The following FAM135B variants were observed in gnomAD, a reference collection of about 807,000 sequenced individuals.
The protein encoded by FAM135B is family with sequence similarity 135 member B.
A neutral mutation model predicts 127.7 loss-of-function variants in FAM135B; 43 were observed. The ratio of observed to expected loss-of-function variants is 0.34; its 90% CI spans 0.26 to 0.43. FAM135B has a LOEUF of 0.43. FAM135B is among the 20% of genes least tolerant of loss of function. The pLI, the probability that FAM135B is intolerant of heterozygous loss-of-function variation, is 1.00. For missense variants in FAM135B, 1,558 were observed against 1,725.6 expected (o/e 0.90, Z 1.72); for synonymous variants, 670 against 665.1 (o/e 1.01, Z -0.11).
chr8:138,195,445 A>G (rs1161786303), intron 8 of FAM135B, 138 bp from the exon 9 acceptor site: 1 of 757,944 alleles, frequency 1.3e-6, no homozygotes, highest in Non-Finnish European at 2.2e-6. Flanking sequence ...CCTTCTACCT[A>G]TTCTAACTTC....
chr8:138,295,129 TTG>T (rs2130813159), intron 3 of FAM135B, among the ~76,000 whole-genome samples: 1 of 58,070 alleles, frequency 1.7e-5, no homozygotes, highest in Admixed American at 1.6e-4. Flanking sequence ...TTTTTTTTTT[TTG>T]GGTAGGAATC....
At chr8:138,271,367 T>C (rs1823361213) in intron 3 of FAM135B, among the ~76,000 whole-genome samples, 1 of 152,222 alleles carries the variant, frequency 6.6e-6, no homozygotes, top group South Asian at 2.1e-4. Context: ...TTCATGCACA[T>C]GGACATAAGT....
At chr8:138,284,110 A>G (rs1417159257) in intron 3 of FAM135B, among the ~76,000 whole-genome samples, 1 of 152,224 alleles carries the variant, frequency 6.6e-6, no homozygotes, top group Non-Finnish European at 1.5e-5. Context: ...AAAACTTTTT[A>G]TCACTACTAG....
chr8:138,449,494 C>T (rs981212715), intron 1 of FAM135B, among the ~76,000 whole-genome samples: 5 of 151,866 alleles, frequency 3.3e-5, no homozygotes, highest in Admixed American at 6.6e-5. Flanking sequence ...AAACAGGAGC[C>T]GTAACCAATA....
chr8:138,251,127 C>T (rs1435654892), intron 5 of FAM135B, 113 bp from the exon 6 acceptor site: 30 of 1,209,060 alleles, frequency 2.5e-5, no homozygotes, highest in South Asian at 1.5e-4. Flanking sequence ...TACATCATCT[C>T]GTTCAATCCT....
At chr8:138,256,074 T>C (rs1315627261) in intron 5 of FAM135B, among the ~76,000 whole-genome samples, 1 of 152,144 alleles carries the variant, frequency 6.6e-6, no homozygotes, top group Non-Finnish European at 1.5e-5. Context: ...TATACTTCAC[T>C]GGACTTTTCA....
intron 12 of FAM135B, among the ~76,000 whole-genome samples, chr8:138,156,874 G>A (rs546883040): frequency 2.6e-5 from 4 of 152,266 alleles, no homozygotes; most frequent in Admixed American, 2.6e-4. Context: ...GGTACAAGGA[G>A]GAGCTGGTAC....
intron 2 of FAM135B, among the ~76,000 whole-genome samples, chr8:138,357,377 A>T (rs1307698472): frequency 6.6e-6 from 1 of 152,198 alleles, no homozygotes; most frequent in Admixed American, 6.5e-5. Context: ...AAAAATATGT[A>T]GGGTTATTGA....
rs1170549185 is a variant in FAM135B at position 138,264,397 on chromosome 8, G to A, written c.297+1306C>T. Among the ~76,000 whole-genome samples the A allele has an allele frequency of 2.6e-5, 4 of 152,162 alleles. No individual in the cohort carries two copies. In the East Asian group the frequency reaches 5.8e-4, roughly 22 times the overall value. ...TCTTGCACAGCAGGACCATCATGAG[G>A]TCTCTTCCACTTTGGGTACAGTTGT... is the stretch of plus-strand genomic sequence containing the variant. On this transcript the variant is annotated intron_variant, in intron 4 of 19. Coordinates refer to ENST00000395297, the MANE Select transcript of FAM135B (RefSeq NM_015912.4).
At chr8:138,334,244 A>T (rs1828390371) in intron 2 of FAM135B, among the ~76,000 whole-genome samples, 1 of 152,050 alleles carries the variant, frequency 6.6e-6, no homozygotes. Context: ...TTATTGACCC[A>T]CGACAGAAGG....
intron 3 of FAM135B, among the ~76,000 whole-genome samples, chr8:138,283,756 GT>G (rs1399825352): frequency 2.0e-5 from 3 of 152,106 alleles, no homozygotes; most frequent in African/African-American, 7.2e-5. Context: ...CTTGTAATCA[GT>G]TGCACAGACA....
intron 1 of FAM135B, among the ~76,000 whole-genome samples, chr8:138,368,341 C>G (rs902302675): frequency 1.3e-5 from 2 of 152,148 alleles, no homozygotes; most frequent in African/African-American, 4.8e-5. Flanking sequence ...GCACAAGAAT[C>G]CTTGCTCTAC....
intron 7 of FAM135B, among the ~76,000 whole-genome samples, chr8:138,223,359 T>A (rs1488969355): frequency 1.3e-5 from 2 of 152,154 alleles, no homozygotes; most frequent in Admixed American, 6.5e-5. Flanking sequence ...GCAGTGACAA[T>A]GAACTGTAAC....
At chr8:138,330,046 G>C (rs1027717678) in intron 2 of FAM135B, among the ~76,000 whole-genome samples, 1 of 152,140 alleles carries the variant, frequency 6.6e-6, no homozygotes, top group Non-Finnish European at 1.5e-5. Context: ...CAAGCTGTCT[G>C]ATGGGCTTGT....
chr8:138,199,069 C>A (rs1181314780), intron 7 of FAM135B, among the ~76,000 whole-genome samples: 1 of 152,162 alleles, frequency 6.6e-6, no homozygotes, highest in African/African-American at 2.4e-5. Context: ...ACTGGAGATC[C>A]TTCTGCCTTG....
intron 1 of FAM135B, among the ~76,000 whole-genome samples, chr8:138,465,280 T>C (rs566493331): frequency 1.3e-5 from 2 of 152,042 alleles, no homozygotes; most frequent in Non-Finnish European, 2.9e-5. Context: ...TCCTAGTAGA[T>C]GCTTATGAAG....
chr8:138,206,407 A>C, intron 7 of FAM135B, among the ~76,000 whole-genome samples: 1 of 149,336 alleles, frequency 6.7e-6, no homozygotes, highest in South Asian at 2.1e-4. Flanking sequence ...ACACAGCTCT[A>C]TCGTCCCCTC....
chr8:138,373,510 G>A (rs966719066), intron 1 of FAM135B, among the ~76,000 whole-genome samples: 2 of 151,170 alleles, frequency 1.3e-5, no homozygotes, highest in Non-Finnish European at 2.9e-5. Context: ...GAGCATATGT[G>A]TTTGAACAAT....
At chr8:138,162,639 G>A (rs72721673) in intron 12 of FAM135B, among the ~76,000 whole-genome samples, 49,236 of 152,038 alleles carry the variant, frequency 0.32, 8,094 homozygotes, top group Middle Eastern at 0.4. Flanking sequence ...TTTAAAAAAT[G>A]AAAAAAGAAT....
Sources: gnomAD v4.1 joint callset for allele counts (sites outside exome capture counted in the v4.1 genomes callset) on GRCh38, gnomAD v4.1.1 for gene constraint, MANE v1.5 for transcripts, NCBI Gene and HGNC (gene_info 2026-07-23, HGNC 2026-07-21) for gene names.